FAT3: variants seen among roughly 807,000 people sequenced by gnomAD.
FAT3 encodes FAT atypical cadherin 3.
In FAT3, 95 loss-of-function variants were observed where a neutral mutation model predicts 310.2. The observed-to-expected ratio is 0.31, with a 90% CI of 0.26 to 0.36. The LOEUF (loss-of-function observed/expected upper bound fraction) is 0.36, where lower values mean the gene tolerates loss of function less well. Ranked by LOEUF, FAT3 falls within the 10% of genes least tolerant of loss-of-function variation. FAT3 has a pLI of 1.00. For missense variants in FAT3, 5,408 were observed against 5,715.6 expected (o/e 0.95, Z 1.74); for synonymous variants, 2,314 against 2,192.9 (o/e 1.06, Z -1.54).
At chr11:92,277,740 C>G (rs1946312940) in intron 1 of FAT3, among the ~76,000 whole-genome samples, 1 of 152,048 alleles carries the variant, frequency 6.6e-6, no homozygotes, top group Non-Finnish European at 1.5e-5. Context: ...GAAAAGCTAC[C>G]TGTTGCTTAC....
intron 1 of FAT3, among the ~76,000 whole-genome samples, chr11:92,247,360 A>T (rs902505078): frequency 6.6e-6 from 1 of 151,560 alleles, no homozygotes; most frequent in Admixed American, 6.6e-5. Context: ...GGGCTCCCGA[A>T]TCCCTGCTCC....
Position 92,844,030 on chromosome 11 carries a change from G to A in FAT3, c.10663G>A (p.Glu3555Lys), listed in dbSNP as rs768073683. The A allele has an allele frequency of 6.2e-7, 1 of 1,613,956 alleles. No homozygotes were observed. The highest frequency in any genetic ancestry group is 1.7e-5 in the Admixed American group (1 of 60,028). The change falls in exon 19 of 28, where the codon GAA (glutamate) becomes AAA (lysine). Residue 3555 changes from glutamate (E) to lysine (K), a missense_variant. Glu to Lys is a moderately conservative substitution (Grantham distance 56). This residue lies in a region of FAT3 where 4,588 missense variants were observed against 4,809.8 expected (regional missense o/e 0.95). Coordinates refer to ENST00000525166, the MANE Select transcript of FAT3 (RefSeq NM_001367949.2). Reference protein sequence around the residue: ...STHKPTAIPLEIFIVTMEDDF... With the variant: ...STHKPTAIPLKIFIVTMEDDF... ...CCACAAGCCCACAGCCATTCCCCTG[G>A]AAATTTTCATTGTCACCATGGAGGA... is the stretch of plus-strand genomic sequence containing the variant.
At chr11:92,264,573 C>T (rs990605145) in intron 1 of FAT3, among the ~76,000 whole-genome samples, 1 of 152,118 alleles carries the variant, frequency 6.6e-6, no homozygotes, top group Non-Finnish European at 1.5e-5. Context: ...GTGGGGGAAT[C>T]TAGGTTGCTA....
intron 4 of FAT3, among the ~76,000 whole-genome samples, chr11:92,759,274 A>C (rs1005102960): frequency 1.8e-4 from 27 of 152,198 alleles, no homozygotes; most frequent in African/African-American, 6.5e-4. Context: ...GCATGAATGG[A>C]GCGTGTTCTG....
rs1307079366 is a variant in FAT3, at chr11:92,566,270, T to G, written c.3607+41322T>G. The stretch of plus-strand genomic sequence containing the variant: ...GACAAACAGAGAGCTAAATCATGAG[T>G]GAACTCCCATTCACAATTGCTTCAA... On this transcript the variant is annotated intron_variant, in intron 3 of 27. Transcript: ENST00000525166. 2.6e-5 allele frequency among the ~76,000 whole-genome samples: 4 copies of G among 152,106 alleles called. No homozygotes were observed. In the East Asian group the frequency reaches 5.8e-4, roughly 22 times the overall value.
chr11:92,619,299 A>G (rs1231437669), intron 3 of FAT3, among the ~76,000 whole-genome samples: 1 of 152,180 alleles, frequency 6.6e-6, no homozygotes, highest in Non-Finnish European at 1.5e-5. Context: ...TTGCATATAT[A>G]TTCATAAGAG....
chr11:92,710,274 T>C (rs1048348134), intron 4 of FAT3, among the ~76,000 whole-genome samples: 3 of 152,176 alleles, frequency 2.0e-5, no homozygotes, highest in African/African-American at 7.2e-5. Context: ...TGTTCTTGCT[T>C]TGTTTTTGAA....
At chr11:92,805,558 C>A (rs1947481328) in intron 11 of FAT3, among the ~76,000 whole-genome samples, 1 of 132,422 alleles carries the variant, frequency 7.6e-6, no homozygotes, top group African/African-American at 2.5e-5. Flanking sequence ...AATTTTGTAC[C>A]CTGCCCCCAA....
intron 21 of FAT3, among the ~76,000 whole-genome samples, chr11:92,862,346 A>T (rs1949138379): frequency 6.6e-6 from 1 of 152,110 alleles, no homozygotes; most frequent in Admixed American, 6.5e-5. Flanking sequence ...AAGATTTTTT[A>T]AAAAGAAGAA....
At chr11:92,473,353 A>AGAGG (rs1951960574) in intron 2 of FAT3, among the ~76,000 whole-genome samples, 1 of 1,960 alleles carries the variant, frequency 5.1e-4, no homozygotes, top group Non-Finnish European at 1.3e-3. Flanking sequence ...ATGAAGGGAT[A>AGAGG]GAGATATCAA....
chr11:92,504,879 C>T (rs1345767353), intron 2 of FAT3, among the ~76,000 whole-genome samples: 1 of 151,764 alleles, frequency 6.6e-6, no homozygotes, highest in Non-Finnish European at 1.5e-5. Context: ...TATTAAATGC[C>T]AAAATAAGGG....
chr11:92,231,646 G>A (rs1864185662), intron 1 of FAT3, among the ~76,000 whole-genome samples: 1 of 152,126 alleles, frequency 6.6e-6, no homozygotes, highest in Admixed American at 6.5e-5. Context: ...GCACTCTGGA[G>A]CAGCTATTGA....
chr11:92,617,414 G>A (rs1169423448), intron 3 of FAT3, among the ~76,000 whole-genome samples: 1 of 152,072 alleles, frequency 6.6e-6, no homozygotes, highest in Admixed American at 6.6e-5. Context: ...TCTTTGAGAT[G>A]GGTTCGAACT....
At chr11:92,648,724 T>C (rs1295787798) in intron 3 of FAT3, among the ~76,000 whole-genome samples, 1 of 152,152 alleles carries the variant, frequency 6.6e-6, no homozygotes, top group African/African-American at 2.4e-5. Flanking sequence ...GCCCAAGACA[T>C]GGACCATCTA....
At chr11:92,246,474 G>A (rs1864912410) in intron 1 of FAT3, among the ~76,000 whole-genome samples, 1 of 152,108 alleles carries the variant, frequency 6.6e-6, no homozygotes, top group Admixed American at 6.6e-5. Context: ...AAGACAGTGT[G>A]CAGCTGGTAT....
intron 2 of FAT3, among the ~76,000 whole-genome samples, chr11:92,493,706 C>A (rs1952671274): frequency 6.6e-6 from 1 of 152,054 alleles, no homozygotes; most frequent in Non-Finnish European, 1.5e-5. Context: ...TGCTCTGAAT[C>A]CTTTAGGATG....
At chr11:92,246,132 A>T (rs573293615) in intron 1 of FAT3, among the ~76,000 whole-genome samples, 1 of 152,182 alleles carries the variant, frequency 6.6e-6, no homozygotes, top group African/African-American at 2.4e-5. Flanking sequence ...ATGGCAGTGG[A>T]TGGAGTGAAG....
chr11:92,618,805 G>A (rs1318851854), intron 3 of FAT3, among the ~76,000 whole-genome samples: 1 of 151,964 alleles, frequency 6.6e-6, no homozygotes, highest in African/African-American at 2.4e-5. Context: ...AATAGTGCTA[G>A]TTTTTCCTTT....
intron 1 of FAT3, among the ~76,000 whole-genome samples, chr11:92,257,650 G>A (rs757944232): frequency 1.5e-4 from 23 of 152,058 alleles, no homozygotes; most frequent in Non-Finnish European, 2.4e-4. Context: ...AGACAGGCAA[G>A]GGGAAGACAT....
Sources: allele counts gnomAD v4.1 joint callset (sites outside exome capture counted in the v4.1 genomes callset), GRCh38; gene constraint gnomAD v4.1.1; regional missense constraint gnomAD v4.1.1; transcripts MANE v1.5; gene names NCBI Gene and HGNC (gene_info 2026-07-23, HGNC 2026-07-21).